SCAI: variants seen among roughly 807,000 people sequenced by gnomAD.
SCAI encodes the protein protein SCAI.
Under a neutral mutation model 92.2 loss-of-function variants are expected in SCAI, and 24 were observed. That is an observed-to-expected ratio of 0.26 (90% CI 0.19 to 0.37). The LOEUF (loss-of-function observed/expected upper bound fraction) is 0.37. Among genes scored for constraint, SCAI ranks in the 10% least tolerant of loss-of-function variants. The pLI, the probability that SCAI is intolerant of heterozygous loss-of-function variation, is 1.00. For synonymous variants in SCAI, 261 were observed against 258.6 expected (o/e 1.01, Z -0.09); for missense variants, 450 against 736.2 (o/e 0.61, Z 4.50).
At chr9:124,991,875 GC>G (rs1288980346) in intron 14 of SCAI, among the ~76,000 whole-genome samples, 1 of 152,018 alleles carries the variant, frequency 6.6e-6, no homozygotes, top group African/African-American at 2.4e-5. Flanking sequence ...CAAAAAACTT[GC>G]AAAGTGGTAG....
rs1347839968 is a variant in SCAI at position 124,998,736 on chromosome 9, C to A, written c.1244+1155G>T. On this transcript the variant is annotated intron_variant, in intron 13 of 17. Transcript: ENST00000336505. Reference sequence around the variant, plus strand: ...TAATGGGTTCAAGTGATTCTCCTGCCTCAGCCTCCTGAGTAGGTAGGACCA... The same window carrying A: ...TAATGGGTTCAAGTGATTCTCCTGCATCAGCCTCCTGAGTAGGTAGGACCA... Among the ~76,000 whole-genome samples the A allele has an allele frequency of 4.6e-5, 7 of 152,226 alleles. No individual in the cohort carries two copies. In the East Asian group the frequency reaches 1.4e-3, roughly 30 times the overall value.
At position 124,950,330 on chromosome 9, in the gene SCAI, C is replaced by A. The variant is rs768768422; in HGVS notation, c.*2477G>T. The A allele has an allele frequency of 6.6e-6, 1 of 151,978 alleles. No homozygotes were observed. Among genetic ancestry groups the A allele is most frequent in the African/African-American group, 2.4e-5 (1 of 41,388 alleles). The allele number at this position is 151,978 out of a possible 1,614,324, so 9.4% of individuals were successfully genotyped here. A position where few individuals can be genotyped will look rare whatever the true frequency, so the allele number is the denominator to read the frequency against. ...TTTTACAGATGAGAGTGCTAACAAG[C>A]AGAGACATGAAGACAGTTGTCAAAG... On this transcript the variant is annotated 3_prime_UTR_variant, in exon 18 of 18. Coordinates refer to ENST00000336505, the MANE Select transcript of SCAI (RefSeq NM_001144877.3).
At chr9:125,135,971 C>CA (rs1359728011) in intron 2 of SCAI, among the ~76,000 whole-genome samples, 19,185 of 80,902 alleles carry the variant, frequency 0.24, 1,482 homozygotes, top group African/African-American at 0.29. Flanking sequence ...CCATCTCAAA[C>CA]AAAAAAAAAA....
At chr9:125,115,229 G>A (rs113154417) in intron 2 of SCAI, among the ~76,000 whole-genome samples, 20,207 of 151,794 alleles carry the variant, frequency 0.13, 1,430 homozygotes, top group East Asian at 0.23. Context: ...AAAATTAGCC[G>A]GGCGTGGTGG....
At chr9:124,989,968 A>G (rs1193365510) in intron 14 of SCAI, among the ~76,000 whole-genome samples, 1 of 151,762 alleles carries the variant, frequency 6.6e-6, no homozygotes, top group Admixed American at 6.6e-5. Context: ...TGAGCTCAGG[A>G]GTTCGAGACC....
intron 14 of SCAI, among the ~76,000 whole-genome samples, chr9:124,985,735 C>T (rs1316417190): frequency 6.6e-6 from 1 of 151,912 alleles, no homozygotes; most frequent in African/African-American, 2.4e-5. Context: ...GGCGTGGTGG[C>T]ACATGCCTGT....
At chr9:125,042,615 A>ATGTGTGTGTGTGTG (rs150983142) in intron 3 of SCAI, among the ~76,000 whole-genome samples, 10,892 of 103,084 alleles carry the variant, frequency 0.11, 600 homozygotes, top group Non-Finnish European at 0.14. Context: ...CCACCAGAGT[A>ATGTGTGTGTGTGTG]TGTGTGTGTG....
intron 9 of SCAI, among the ~76,000 whole-genome samples, chr9:125,006,560 C>T (rs529770643): frequency 1.2e-4 from 18 of 152,280 alleles, no homozygotes; most frequent in East Asian, 5.8e-4. Context: ...GGCGCGATCT[C>T]GGCTCACTGC....
chr9:125,131,208 C>A (rs539447669), intron 2 of SCAI, among the ~76,000 whole-genome samples: 43 of 151,590 alleles, frequency 2.8e-4, no homozygotes, highest in African/African-American at 8.5e-4. Context: ...GAGTTCAACA[C>A]CAGCCTGGCC....
intron 3 of SCAI, among the ~76,000 whole-genome samples, chr9:125,052,476 C>T (rs1588179944): frequency 2.0e-5 from 3 of 151,988 alleles, no homozygotes; most frequent in East Asian, 3.9e-4. Flanking sequence ...GGTAGGGGGG[C>T]GGTGGGTGCC....
At chr9:125,010,213 C>T (rs11794358) in intron 9 of SCAI, among the ~76,000 whole-genome samples, 30 of 152,174 alleles carry the variant, frequency 2.0e-4, no homozygotes, top group Non-Finnish European at 3.8e-4. Flanking sequence ...GTGCGCGAGC[C>T]GAAGCAGGGC....
intron 9 of SCAI, among the ~76,000 whole-genome samples, chr9:125,004,269 T>C (rs891128743): frequency 6.6e-5 from 10 of 151,684 alleles, no homozygotes; most frequent in African/African-American, 1.9e-4. Flanking sequence ...CACGTGTAGG[T>C]AGTGTGCTAT....
chr9:125,098,053 A>G (rs533047038), intron 2 of SCAI, among the ~76,000 whole-genome samples: 4 of 150,142 alleles, frequency 2.7e-5, no homozygotes, highest in African/African-American at 7.3e-5. Context: ...ATATATGTGT[A>G]TATACACATA....
chr9:125,104,066 T>A (rs1834728647), intron 2 of SCAI, among the ~76,000 whole-genome samples: 1 of 152,168 alleles, frequency 6.6e-6, no homozygotes, highest in Admixed American at 6.6e-5. Context: ...TAGTTGGTAA[T>A]ATGCATCCTA....
In SCAI at chr9:125,033,570, ATTTC is replaced by A. The variant is rs1833127960; in HGVS notation, c.231-3835_231-3832del. Among the ~76,000 whole-genome samples, 3 of 152,158 alleles carry A rather than the reference ATTTC, an allele frequency of 2.0e-5. No homozygotes were observed. In the South Asian group the frequency reaches 6.2e-4, roughly 32 times the overall value. Reference sequence around the variant, plus strand: ...CTTTCTGGTCTTTCTATGTAGGTTTATTTCCCGCATTTAAAAAGTAAAGATAATA... The same window carrying A: ...CTTTCTGGTCTTTCTATGTAGGTTTACCGCATTTAAAAAGTAAAGATAATA... On this transcript the variant is annotated intron_variant, in intron 3 of 17. Transcript: ENST00000336505.
chr9:125,014,651 T>A (rs973667520), intron 9 of SCAI, among the ~76,000 whole-genome samples: 2 of 152,168 alleles, frequency 1.3e-5, no homozygotes, highest in Non-Finnish European at 2.9e-5. Context: ...AAGCTACCAA[T>A]GACTTTCTTC....
chr9:125,101,537 A>G (rs1007971671), intron 2 of SCAI, among the ~76,000 whole-genome samples: 1 of 152,200 alleles, frequency 6.6e-6, no homozygotes, highest in Non-Finnish European at 1.5e-5. Context: ...ACCTCCAGAC[A>G]TGTCTGGGAG....
intron 6 of SCAI, among the ~76,000 whole-genome samples, chr9:125,024,265 G>C (rs529067629): frequency 5.9e-5 from 9 of 151,278 alleles, no homozygotes; most frequent in South Asian, 2.1e-4. Flanking sequence ...AAAATTGAAG[G>C]CTTTTTATGA....
intron 2 of SCAI, among the ~76,000 whole-genome samples, chr9:125,128,221 G>A (rs890707048): frequency 6.6e-6 from 1 of 152,034 alleles, no homozygotes; most frequent in African/African-American, 2.4e-5. Flanking sequence ...GGAGGTTGAG[G>A]TGGGAGGACT....
Sources: gnomAD v4.1 joint callset for allele counts (sites outside exome capture counted in the v4.1 genomes callset) on GRCh38, gnomAD v4.1.1 for gene constraint, MANE v1.5 for transcripts, NCBI Gene and HGNC (gene_info 2026-07-23, HGNC 2026-07-21) for gene names.